CDK19: variants seen among roughly 807,000 people sequenced by gnomAD.
CDK19 encodes the protein cyclin-dependent kinase 19.
A neutral mutation model predicts 68.3 loss-of-function variants in CDK19; 20 were observed. The ratio of observed to expected loss-of-function variants is 0.29; its 90% confidence interval spans 0.21 to 0.43. The LOEUF (loss-of-function observed/expected upper bound fraction) is 0.43, where lower values mean the gene tolerates loss of function less well. CDK19 is among the 20% of genes least tolerant of loss of function. The pLI, the probability that CDK19 is intolerant of heterozygous loss-of-function variation, is 1.00. For missense variants in CDK19, 339 were observed against 623.5 expected, an observed-to-expected ratio of 0.54 and a Z score of 4.86; for synonymous variants, 221 against 222.8, an observed-to-expected ratio of 0.99 and a Z score of 0.07.
Position 110,621,203 on chromosome 6 carries a change from G to C in CDK19, c.1278C>G (p.Ser426Arg), listed in dbSNP as rs751944182. 1 of 1,613,952 alleles carries C rather than the reference G, an allele frequency of 6.2e-7. No individual in the cohort carries two copies. The highest frequency in any genetic ancestry group is 8.5e-7 in the Non-Finnish European group (1 of 1,180,020). The change falls in exon 12 of 13, where the codon AGC becomes AGG. Residue 426 changes from serine to arginine, a missense_variant. Coordinates refer to ENST00000368911, the MANE Select transcript of CDK19 (RefSeq NM_015076.5). The surrounding 1 kb of genome is among the most constrained non-coding windows in gnomAD (Gnocchi z 5.4). ...GCACCTGGTTCAGGCTGGAGTCCTG[G>C]CTGTGCTGCAACCCTGCTCCGGTGC... is the stretch of plus-strand genomic sequence containing the variant. ...VGGTGAGLQHSQDSSLNQVPP... is the reference protein window; with the variant it reads ...VGGTGAGLQHRQDSSLNQVPP...
intron 2 of CDK19, among the ~76,000 whole-genome samples, chr6:110,676,593 C>T (rs891412840): frequency 6.6e-6 from 1 of 152,166 alleles, no homozygotes; most frequent in African/African-American, 2.4e-5. Flanking sequence ...AACCACCACT[C>T]TAATCAGTTA....
chr6:110,751,495 C>T (rs149865337), intron 1 of CDK19, among the ~76,000 whole-genome samples: 27 of 152,162 alleles, frequency 1.8e-4, no homozygotes, highest in Middle Eastern at 3.4e-3. Flanking sequence ...CACAGGACTC[C>T]TGCTGATTCT....
chr6:110,639,994 C>T (rs990253518), intron 4 of CDK19, among the ~76,000 whole-genome samples: 2 of 152,042 alleles, frequency 1.3e-5, no homozygotes, highest in Non-Finnish European at 2.9e-5. Flanking sequence ...GGGAGACTCA[C>T]CTGAGTCTAG....
intron 1 of CDK19, among the ~76,000 whole-genome samples, chr6:110,796,984 G>A (rs768212798): frequency 5.1e-5 from 7 of 136,096 alleles, no homozygotes; most frequent in Middle Eastern, 4.7e-3. Flanking sequence ...CACTCCAGCC[G>A]AGGCAACAGA....
chr6:110,695,611 G>A (rs578066642), intron 2 of CDK19, among the ~76,000 whole-genome samples: 2 of 152,112 alleles, frequency 1.3e-5, no homozygotes, highest in South Asian at 4.1e-4. Flanking sequence ...GATTAACCAA[G>A]AAAAGAAGAG....
chr6:110,702,006 T>C (rs564421837), intron 2 of CDK19, among the ~76,000 whole-genome samples: 4 of 152,192 alleles, frequency 2.6e-5, no homozygotes, highest in African/African-American at 9.6e-5. Context: ...CCAGGCATGG[T>C]GGCACACACC....
At chr6:110,704,324 A>G (rs1015433679) in intron 2 of CDK19, among the ~76,000 whole-genome samples, 12 of 152,170 alleles carry the variant, frequency 7.9e-5, no homozygotes, top group Non-Finnish European at 1.5e-4. Context: ...AGCCTTGGGA[A>G]GCCCTATCTT....
intron 1 of CDK19, among the ~76,000 whole-genome samples, chr6:110,782,341 T>G (rs1301437977): frequency 2.0e-5 from 3 of 152,218 alleles, no homozygotes; most frequent in Non-Finnish European, 4.4e-5. Context: ...TTCACTCAGT[T>G]GCCAAACTGA....
chr6:110,756,862 C>T (rs890565021), intron 1 of CDK19, among the ~76,000 whole-genome samples: 5 of 152,084 alleles, frequency 3.3e-5, no homozygotes, highest in African/African-American at 1.2e-4. Flanking sequence ...TCGTTTTGGA[C>T]ATGTTGATTT....
At chr6:110,753,778 GGA>G (rs1778647719) in intron 1 of CDK19, among the ~76,000 whole-genome samples, 2 of 151,748 alleles carry the variant, frequency 1.3e-5, no homozygotes, top group African/African-American at 2.4e-5. Flanking sequence ...ACCATATCTT[GGA>G]GAGTTTTAAT....
At chr6:110,679,498 G>C (rs1028964548) in intron 2 of CDK19, among the ~76,000 whole-genome samples, 1 of 152,106 alleles carries the variant, frequency 6.6e-6, no homozygotes, top group Non-Finnish European at 1.5e-5. Context: ...TATAATCCTA[G>C]CTACTCAGGA....
chr6:110,696,826 G>C (rs1773523081), intron 2 of CDK19, among the ~76,000 whole-genome samples: 2 of 151,938 alleles, frequency 1.3e-5, no homozygotes, highest in Admixed American at 1.3e-4. Context: ...GGAGGCTGAG[G>C]GTGGGGCGGA....
intron 1 of CDK19, among the ~76,000 whole-genome samples, chr6:110,758,279 A>G (rs1223533965): frequency 6.6e-6 from 1 of 152,192 alleles, no homozygotes; most frequent in African/African-American, 2.4e-5. Context: ...ACAAGCATTA[A>G]AGGGTAGGTG....
chr6:110,757,138 A>G (rs559200052), intron 1 of CDK19, among the ~76,000 whole-genome samples: 2 of 152,304 alleles, frequency 1.3e-5, no homozygotes, highest in East Asian at 3.9e-4. Context: ...GGCAGAGAGA[A>G]AAGGACCCAT....
rs917696489 is a variant in CDK19, at chr6:110,632,175, A to T, written c.515-14T>A. On this transcript the variant is annotated splice_polypyrimidine_tract_variant and intron_variant, in intron 5 of 12. Transcript: ENST00000368911. The stretch of plus-strand genomic sequence containing the variant: ...AACCCATGTCAGCTAAAAAAATAAA[A>T]TAAATTAACATAAAATTCAGTTTGA... The T allele has an allele frequency of 7.6e-6, 12 of 1,569,732 alleles. No individual in the cohort carries two copies. The highest frequency in any genetic ancestry group is 1.0e-5 in the Non-Finnish European group (12 of 1,157,612).
intron 3 of CDK19, among the ~76,000 whole-genome samples, chr6:110,668,658 C>A (rs1010379820): frequency 6.6e-6 from 1 of 152,120 alleles, no homozygotes; most frequent in African/African-American, 2.4e-5. Flanking sequence ...CACGGTGAAA[C>A]CCCGTCTCTA....
At chr6:110,624,228 C>T (rs1778942494) in intron 8 of CDK19, among the ~76,000 whole-genome samples, 1 of 151,974 alleles carries the variant, frequency 6.6e-6, no homozygotes, top group Admixed American at 6.6e-5. Flanking sequence ...AGAGTCTACC[C>T]TCTGGGAGGG....
intron 2 of CDK19, among the ~76,000 whole-genome samples, chr6:110,719,972 G>GCCCCCCCCCCCCC (rs1167384607): frequency 3.7e-4 from 17 of 45,520 alleles, no homozygotes; most frequent in African/African-American, 5.8e-4. Context: ...CTTGTGATCC[G>GCCCCCCCCCCCCC]CCCCCCCCCC....
chr6:110,782,052 T>C (rs184720013), intron 1 of CDK19, among the ~76,000 whole-genome samples: 2 of 152,348 alleles, frequency 1.3e-5, no homozygotes, highest in East Asian at 3.9e-4. Context: ...AGAAATCTGC[T>C]ATACTCAACT....
Sources: gnomAD v4.1 joint callset for allele counts (sites outside exome capture counted in the v4.1 genomes callset) on GRCh38, gnomAD v4.1.1 for gene constraint, Gnocchi (gnomAD v3.1) non-coding constraint, MANE v1.5 for transcripts, NCBI Gene and HGNC (gene_info 2026-07-23, HGNC 2026-07-21) for gene names.